Variants in ADAM10 observed in about 807,000 individuals in gnomAD.
The protein encoded by ADAM10 is disintegrin and metalloproteinase domain-containing protein 10.
Under a neutral mutation model 90.1 loss-of-function variants are expected in ADAM10, and 17 were observed. The ratio of observed to expected loss-of-function variants is 0.19; its 90% CI spans 0.13 to 0.28. ADAM10 has a LOEUF of 0.28. Among genes scored for constraint, ADAM10 ranks in the 10% least tolerant of loss-of-function variants. The pLI, the probability that ADAM10 is intolerant of heterozygous loss-of-function variation, is 1.00. For synonymous variants in ADAM10, 310 were observed against 298.6 expected (o/e 1.04, Z -0.40); for missense variants, 610 against 914.3 (o/e 0.67, Z 4.29).
chr15:58,671,820 T>A (rs188243426), intron 4 of ADAM10, among the ~76,000 whole-genome samples: 398 of 152,272 alleles, frequency 2.6e-3, no homozygotes, highest in Non-Finnish European at 4.1e-3. Context: ...TTTTTTTTTT[T>A]AATCCTTACT....
At chr15:58,722,297 G>A (rs1260713153) in intron 1 of ADAM10, among the ~76,000 whole-genome samples, 2 of 151,964 alleles carry the variant, frequency 1.3e-5, no homozygotes, top group African/African-American at 2.4e-5. Flanking sequence ...AGCCAAGATC[G>A]CACCACTGCA....
chr15:58,711,074 C>G lies in ADAM10; in HGVS notation c.206+6503G>C, dbSNP rs180710103. Among the ~76,000 whole-genome samples, 21 of 152,256 alleles carry G rather than the reference C, an allele frequency of 1.4e-4. No individual in the cohort carries two copies. The East Asian group carries it at 3.5e-3, about 25-fold the overall frequency. The stretch of plus-strand genomic sequence containing the variant: ...CCCAAACCACAAAGAAAACTTCCAA[C>G]CAAATGTCTAATCATTTGTTTTAAA... On this transcript the variant is annotated intron_variant, in intron 2 of 15. Transcript: ENST00000260408.
rs1257060994 is a variant in ADAM10, at chr15:58,701,014, CA to C, written c.206+16562del. ...AACAAAATTCCAACTTAAAAAAAAA[CA>C]AAAAAACAAAAAAAAAAAAACAGGG... On this transcript the variant is annotated intron_variant, in intron 2 of 15. Transcript: ENST00000260408. Among the ~76,000 whole-genome samples, 14 of 44,922 alleles carry C rather than the reference CA, an allele frequency of 3.1e-4. 1 individual carries two copies. The highest frequency in any genetic ancestry group is 4.3e-4 in the Non-Finnish European group (7 of 16,456). The allele number at this position is 44,922 out of a possible 152,430, so 29.5% of individuals were successfully genotyped here.
chr15:58,710,895 C>A lies in ADAM10; in HGVS notation c.206+6682G>T, dbSNP rs190552075. ...TAAAAGTGCCCTAGATTTCTGCTACCTGACTCATGATATAACAGAGATTAA... is the reference window on the plus strand; with the variant it reads ...TAAAAGTGCCCTAGATTTCTGCTACATGACTCATGATATAACAGAGATTAA... On this transcript the variant is annotated intron_variant, in intron 2 of 15. Transcript: ENST00000260408. Among the ~76,000 whole-genome samples the A allele has an allele frequency of 1.3e-3, 203 of 152,296 alleles. 1 individual carries two copies. The highest frequency in any genetic ancestry group is 4.4e-3 in the African/African-American group (183 of 41,564).
chr15:58,742,704 C>T (rs1220347043), intron 1 of ADAM10, among the ~76,000 whole-genome samples: 3 of 152,184 alleles, frequency 2.0e-5, no homozygotes, highest in African/African-American at 7.2e-5. Context: ...TTGTCCTTAA[C>T]ATTGCTTCCT....
chr15:58,728,655 T>C (rs918841282), intron 1 of ADAM10, among the ~76,000 whole-genome samples: 1 of 152,148 alleles, frequency 6.6e-6, no homozygotes. Context: ...CTTCCTACTT[T>C]TTCCCTAAGA....
intron 5 of ADAM10, among the ~76,000 whole-genome samples, chr15:58,658,405 T>A (rs887316334): frequency 6.6e-6 from 1 of 152,230 alleles, no homozygotes; most frequent in African/African-American, 2.4e-5. Flanking sequence ...TGTAACTTTA[T>A]ACTAAGTCTT....
In ADAM10 at chr15:58,608,533, A is replaced by G. The variant is rs550166906; in HGVS notation, c.2025+1764T>C. On this transcript the variant is annotated intron_variant, in intron 14 of 15. Transcript: ENST00000260408. ...TCACACATTATGAGCATGCTATTCG[A>G]AAGACTGGCATATGCCTGTCAACAA... is the stretch of plus-strand genomic sequence containing the variant. Among the ~76,000 whole-genome samples the G allele has an allele frequency of 3.3e-5, 5 of 152,308 alleles. No individual in the cohort carries two copies. In the East Asian group the frequency reaches 9.7e-4, roughly 29 times the overall value.
chr15:58,727,499 C>G (rs1899079083), intron 1 of ADAM10, among the ~76,000 whole-genome samples: 1 of 152,048 alleles, frequency 6.6e-6, no homozygotes, highest in African/African-American at 2.4e-5. Context: ...CCTGGCTAAT[C>G]TTTCTTATTT....
chr15:58,687,383 G>A (rs1339570661), intron 2 of ADAM10, among the ~76,000 whole-genome samples: 1 of 152,142 alleles, frequency 6.6e-6, no homozygotes, highest in Non-Finnish European at 1.5e-5. Context: ...TGTTTAAAAT[G>A]TGACCCACAG....
chr15:58,688,549 C>T (rs1030914807), intron 2 of ADAM10, among the ~76,000 whole-genome samples: 4 of 150,718 alleles, frequency 2.7e-5, no homozygotes, highest in African/African-American at 7.3e-5. Context: ...TGAATGATAA[C>T]GGAATTAGCA....
chr15:58,596,398 A>T lies in ADAM10; in HGVS notation c.*1149T>A, dbSNP rs1263901723. The T allele has an allele frequency of 6.6e-6, 1 of 152,600 alleles. No homozygotes were observed. Among genetic ancestry groups the T allele is most frequent in the Non-Finnish European group, 1.5e-5 (1 of 68,016 alleles). The allele number at this position is 152,600 out of a possible 1,614,324, so 9.5% of individuals were successfully genotyped here. A position where few individuals can be genotyped will look rare whatever the true frequency, so the allele number is the denominator to read the frequency against. The stretch of plus-strand genomic sequence containing the variant: ...TGTTTCACCTTCAATGCTGTTAAAA[A>T]TTTTAGGAAAAAAAATGTCAGAAGG... On this transcript the variant is annotated 3_prime_UTR_variant, in exon 16 of 16. Transcript: ENST00000260408.
intron 8 of ADAM10, among the ~76,000 whole-genome samples, chr15:58,639,139 T>C (rs1477030133): frequency 6.6e-6 from 1 of 152,164 alleles, no homozygotes; most frequent in Non-Finnish European, 1.5e-5. Flanking sequence ...TGAGCAAGCT[T>C]TAGAGACAAA....
Position 58,593,375 on chromosome 15 carries a change from C to G in ADAM10, c.*4172G>C, listed in dbSNP as rs890730398. The G allele has an allele frequency of 2.0e-5, 3 of 151,838 alleles. No homozygotes were observed. The highest frequency in any genetic ancestry group is 2.0e-4 in the Admixed American group (3 of 15,228). The allele number at this position is 151,838 out of a possible 1,614,324, so 9.4% of individuals were successfully genotyped here. ...TACAAGCATGTGCCACCACGCCCAG[C>G]TGTATTTTTAGTAGAGACGGGGTTT... On this transcript the variant is annotated 3_prime_UTR_variant, in exon 16 of 16. Transcript: ENST00000260408.
At chr15:58,708,811 A>G (rs1898384819) in intron 2 of ADAM10, among the ~76,000 whole-genome samples, 1 of 152,234 alleles carries the variant, frequency 6.6e-6, no homozygotes, top group Non-Finnish European at 1.5e-5. Flanking sequence ...AAGTGATTAT[A>G]ATTTCAGATT....
In ADAM10 at chr15:58,599,836, A is replaced by G. The variant is rs1895061590; in HGVS notation, c.2026-112T>C. ...GAACACAGTATATTGTAATTTTTAA[A>G]GAACATTTGTTTAGGAGTTGTATAC... On this transcript the variant is annotated intron_variant, in intron 14 of 15. Coordinates refer to ENST00000260408, the MANE Select transcript of ADAM10 (RefSeq NM_001110.4). The G allele has an allele frequency of 2.7e-6, 3 of 1,116,976 alleles. No homozygotes were observed. In the Admixed American group the frequency reaches 6.1e-5, roughly 23 times the overall value. The allele number at this position is 1,116,976 out of a possible 1,614,324, so 69.2% of individuals were successfully genotyped here. A position where few individuals can be genotyped will look rare whatever the true frequency, so the allele number is the denominator to read the frequency against.
intron 3 of ADAM10, among the ~76,000 whole-genome samples, chr15:58,680,275 G>A (rs565234197): frequency 1.1e-4 from 17 of 151,910 alleles, no homozygotes; most frequent in African/African-American, 3.1e-4. Context: ...AGCGTGCACC[G>A]CCACCTCCAG....
chr15:58,602,597 G>T (rs1448178676), intron 14 of ADAM10, among the ~76,000 whole-genome samples: 3 of 152,094 alleles, frequency 2.0e-5, no homozygotes, highest in Admixed American at 6.6e-5. Flanking sequence ...AAAAGGGAAA[G>T]AGATATATAC....
chr15:58,748,864 GATGACTGCTGCC>G, intron 1 of ADAM10: 1 of 399,084 alleles, frequency 2.5e-6, no homozygotes, highest in Admixed American at 4.4e-5. Flanking sequence ...ATAAGCGGGT[GATGACTGCTGCC>G]ACTCCACGGG....
Sources: gnomAD v4.1 joint callset for allele counts (sites outside exome capture counted in the v4.1 genomes callset) on GRCh38, gnomAD v4.1.1 for gene constraint, MANE v1.5 for transcripts, NCBI Gene and HGNC (gene_info 2026-07-23, HGNC 2026-07-21) for gene names.